Variants in MYRIP observed in about 807,000 individuals in gnomAD.
MYRIP encodes the protein myosin VIIA and Rab interacting protein.
MYRIP carries 49 observed loss-of-function variants against 98.0 expected under a neutral mutation model. That is an observed-to-expected ratio of 0.50 (90% CI 0.40 to 0.63). The LOEUF (loss-of-function observed/expected upper bound fraction) is 0.63, where lower values mean the gene tolerates loss of function less well. Among genes scored for constraint, MYRIP ranks in the 30% least tolerant of loss-of-function variants. The pLI, the probability that MYRIP is intolerant of heterozygous loss-of-function variation, is 0.00. For missense variants in MYRIP, 1,004 were observed against 1,058.2 expected, an observed-to-expected ratio of 0.95 and a Z score of 0.71; for synonymous variants, 404 against 409.5, an observed-to-expected ratio of 0.99 and a Z score of 0.16.
At chr3:40,109,998 T>C (rs1303411497) in intron 3 of MYRIP, among the ~76,000 whole-genome samples, 1 of 152,212 alleles carries the variant, frequency 6.6e-6, no homozygotes, top group East Asian at 1.9e-4. Context: ...AGGGCAGATA[T>C]GTGTAGGGAA....
intron 2 of MYRIP, among the ~76,000 whole-genome samples, chr3:40,000,909 T>C (rs1208114906): frequency 6.6e-6 from 1 of 152,200 alleles, no homozygotes; most frequent in Non-Finnish European, 1.5e-5. Context: ...TCCTTTCTCC[T>C]ACCCTGGATT....
At chr3:40,137,535 G>A (rs984360566) in intron 3 of MYRIP, among the ~76,000 whole-genome samples, 1 of 152,194 alleles carries the variant, frequency 6.6e-6, no homozygotes, top group Non-Finnish European at 1.5e-5. Flanking sequence ...CTCATTTTAT[G>A]AGGCCAGCAT....
At chr3:40,052,433 A>G (rs1440641855) in intron 3 of MYRIP, among the ~76,000 whole-genome samples, 1 of 152,190 alleles carries the variant, frequency 6.6e-6, no homozygotes, top group East Asian at 1.9e-4. Flanking sequence ...AATACATTAA[A>G]CAATTATCAC....
At chr3:39,971,141 G>A (rs1448259096) in intron 2 of MYRIP, among the ~76,000 whole-genome samples, 2 of 152,054 alleles carry the variant, frequency 1.3e-5, no homozygotes. Context: ...GGCAAATAAA[G>A]GCTAGTTAGT....
Position 40,044,251 on chromosome 3 carries a change from C to T in MYRIP, c.312C>T (p.Cys104=). ...SYQKHEKAWV[C]CVCQQARLLR... ...AGAAGCACGAAAAGGCCTGGGTCTGCTGCGTCTGCCAGCAAGCGAGGTGAG... is the reference window on the plus strand; with the variant it reads ...AGAAGCACGAAAAGGCCTGGGTCTGTTGCGTCTGCCAGCAAGCGAGGTGAG... The change falls in exon 3 of 17, where the codon TGC becomes TGT. Residue 104 remains cysteine (C), a synonymous_variant. Transcript: ENST00000302541. 1 of 1,614,182 alleles carries T rather than the reference C, an allele frequency of 6.2e-7. No homozygotes were observed. Among genetic ancestry groups the T allele is most frequent in the Non-Finnish European group, 8.5e-7 (1 of 1,180,016 alleles).
intron 1 of MYRIP, among the ~76,000 whole-genome samples, chr3:39,881,748 T>G (rs1353299361): frequency 3.3e-5 from 5 of 152,114 alleles, no homozygotes; most frequent in Admixed American, 1.3e-4. Flanking sequence ...ATTTTAACCT[T>G]TTTAGCTCTT....
At chr3:40,093,582 C>T (rs1250771312) in intron 3 of MYRIP, among the ~76,000 whole-genome samples, 2 of 152,188 alleles carry the variant, frequency 1.3e-5, no homozygotes, top group Non-Finnish European at 2.9e-5. Context: ...TATGTTTACC[C>T]CGTGAGGGGA....
At chr3:40,250,825 A>C (rs1291148779) in intron 15 of MYRIP, among the ~76,000 whole-genome samples, 2 of 152,264 alleles carry the variant, frequency 1.3e-5, no homozygotes, top group Middle Eastern at 3.2e-3. Flanking sequence ...TCTGGGAGAC[A>C]ATGTTGGCTG....
chr3:39,863,409 T>G (rs1942527781), intron 1 of MYRIP, among the ~76,000 whole-genome samples: 1 of 144,878 alleles, frequency 6.9e-6, no homozygotes, highest in Non-Finnish European at 1.5e-5. Context: ...CCACCTAGAC[T>G]GATAAAGAAA....
intron 2 of MYRIP, among the ~76,000 whole-genome samples, chr3:39,927,829 A>C (rs1256366560): frequency 6.6e-6 from 1 of 152,024 alleles, no homozygotes; most frequent in Non-Finnish European, 1.5e-5. Context: ...TGAAATATTT[A>C]ATTTACCACA....
chr3:40,136,994 A>G (rs1173131116), intron 3 of MYRIP, among the ~76,000 whole-genome samples: 1 of 152,204 alleles, frequency 6.6e-6, no homozygotes, highest in Non-Finnish European at 1.5e-5. Flanking sequence ...AAGAGCAAAC[A>G]CATTCAAAAG....
chr3:39,916,364 G>T (rs1944159449), intron 2 of MYRIP, among the ~76,000 whole-genome samples: 1 of 151,308 alleles, frequency 6.6e-6, no homozygotes, highest in Admixed American at 6.6e-5. Context: ...TGATTTGCTT[G>T]CTCCTCTGGT....
intron 1 of MYRIP, among the ~76,000 whole-genome samples, chr3:39,846,216 C>T (rs1941961428): frequency 6.6e-6 from 1 of 152,158 alleles, no homozygotes; most frequent in African/African-American, 2.4e-5. Flanking sequence ...TCTCCTATCC[C>T]AGTCATCAAA....
intron 1 of MYRIP, among the ~76,000 whole-genome samples, chr3:39,852,736 T>C (rs976952508): frequency 2.9e-5 from 4 of 136,344 alleles, no homozygotes; most frequent in Admixed American, 7.0e-5. Flanking sequence ...CCTCTCCTGT[T>C]CTCCTCTTCT....
chr3:39,962,467 T>C (rs1945346119), intron 2 of MYRIP, among the ~76,000 whole-genome samples: 4 of 46,446 alleles, frequency 8.6e-5, no homozygotes, highest in Admixed American at 5.4e-4. Context: ...TTTTTTTTTT[T>C]CCACTTGTTC....
At chr3:40,173,500 T>C (rs960872586) in intron 8 of MYRIP, 3 of 152,228 alleles carry the variant, frequency 2.0e-5, no homozygotes, top group African/African-American at 2.4e-5. Flanking sequence ...TCTTGTATCA[T>C]AAGCCAAAAC....
intron 2 of MYRIP, among the ~76,000 whole-genome samples, chr3:39,999,721 G>A (rs1256794816): frequency 6.6e-6 from 1 of 152,130 alleles, no homozygotes; most frequent in African/African-American, 2.4e-5. Context: ...AAAGACACAT[G>A]CACACATATG....
intron 10 of MYRIP, among the ~76,000 whole-genome samples, chr3:40,207,775 CTCA>C (rs1951823802): frequency 6.6e-6 from 1 of 152,158 alleles, no homozygotes; most frequent in Admixed American, 6.5e-5. Flanking sequence ...ATAATATTTA[CTCA>C]TCAATTCTTG....
chr3:40,003,032 A>T (rs1214384920), intron 2 of MYRIP, among the ~76,000 whole-genome samples: 1 of 32,540 alleles, frequency 3.1e-5, no homozygotes, highest in Non-Finnish European at 1.8e-4. Flanking sequence ...AGATATCTAT[A>T]TATCTATAGA....
Sources: allele counts gnomAD v4.1 joint callset (sites outside exome capture counted in the v4.1 genomes callset), GRCh38; gene constraint gnomAD v4.1.1; transcripts MANE v1.5; gene names NCBI Gene and HGNC (gene_info 2026-07-23, HGNC 2026-07-21).